The following CNTN1 variants were observed in gnomAD, a reference collection of about 807,000 sequenced individuals.
CNTN1 encodes the protein contactin 1.
CNTN1 carries 38 observed loss-of-function variants against 126.4 expected under a neutral mutation model. The observed-to-expected ratio is 0.30, with a 90% CI of 0.23 to 0.39. The LOEUF (loss-of-function observed/expected upper bound fraction) is 0.39, where lower values mean the gene tolerates loss of function less well. Among genes scored for constraint, CNTN1 ranks in the 10% least tolerant of loss-of-function variants. The pLI is 1.00. For synonymous variants in CNTN1, 413 were observed against 422.6 expected, an observed-to-expected ratio of 0.98 and a Z score of 0.28; for missense variants, 1,009 against 1,248.4, an observed-to-expected ratio of 0.81 and a Z score of 2.89.
At chr12:40,736,559 T>A (rs1049561850) in intron 1 of CNTN1, among the ~76,000 whole-genome samples, 2 of 152,090 alleles carry the variant, frequency 1.3e-5, no homozygotes, top group African/African-American at 4.8e-5. Context: ...AAAGAGCAGA[T>A]TACTTGGAAA....
At chr12:40,894,731 T>C (rs1361517430) in intron 1 of CNTN1, among the ~76,000 whole-genome samples, 1 of 152,116 alleles carries the variant, frequency 6.6e-6, no homozygotes, top group Non-Finnish European at 1.5e-5. Flanking sequence ...CAAGTGAAAA[T>C]AGATAATATA....
intron 7 of CNTN1, 62 bp from the exon 8 acceptor site, chr12:40,933,399 T>A (rs1945965722): frequency 8.7e-7 from 1 of 1,147,496 alleles, no homozygotes; most frequent in Admixed American, 1.7e-5. Flanking sequence ...AATTACCATG[T>A]TTAAGAATAA....
chr12:41,035,490 A>G (rs1279997229), intron 23 of CNTN1, among the ~76,000 whole-genome samples: 3 of 152,200 alleles, frequency 2.0e-5, no homozygotes, highest in South Asian at 4.1e-4. Flanking sequence ...TGGTTACAAT[A>G]ATTGCAAACC....
chr12:40,907,973 A>AG (rs541946121), intron 1 of CNTN1, among the ~76,000 whole-genome samples: 1 of 152,236 alleles, frequency 6.6e-6, no homozygotes, highest in Non-Finnish European at 1.5e-5. Flanking sequence ...ACCTTCAATT[A>AG]AAGTGAATGA....
At chr12:40,946,683 G>T (rs1946445449) in intron 14 of CNTN1, among the ~76,000 whole-genome samples, 1 of 151,850 alleles carries the variant, frequency 6.6e-6, no homozygotes, top group African/African-American at 2.4e-5. Context: ...AAAGGAATAG[G>T]GAAATCAAAT....
intron 1 of CNTN1, among the ~76,000 whole-genome samples, chr12:40,760,196 G>C (rs1018271900): frequency 2.6e-4 from 39 of 151,898 alleles, no homozygotes; most frequent in African/African-American, 8.0e-4. Context: ...GTTTTGTTTT[G>C]ATTTTGAATA....
chr12:40,797,883 C>A (rs374513492), intron 1 of CNTN1, among the ~76,000 whole-genome samples: 2 of 151,952 alleles, frequency 1.3e-5, no homozygotes. Flanking sequence ...GTCCCATTAA[C>A]GAGAATAGGG....
At chr12:40,965,475 A>C (rs1402866927) in intron 15 of CNTN1, among the ~76,000 whole-genome samples, 1 of 152,204 alleles carries the variant, frequency 6.6e-6, no homozygotes, top group African/African-American at 2.4e-5. Context: ...TTTTTACTAA[A>C]TAGTAAAAGT....
chr12:40,844,370 T>A (rs1008940011), intron 1 of CNTN1, among the ~76,000 whole-genome samples: 1 of 152,106 alleles, frequency 6.6e-6, no homozygotes, highest in African/African-American at 2.4e-5. Context: ...CTGGCCACAA[T>A]GATTTTTTGA....
At chr12:40,823,315 C>T (rs1176461268) in intron 1 of CNTN1, among the ~76,000 whole-genome samples, 1 of 152,162 alleles carries the variant, frequency 6.6e-6, no homozygotes, top group African/African-American at 2.4e-5. Flanking sequence ...CAGCTTGATG[C>T]AGTGAAAGAG....
rs1566173236 is a variant in CNTN1, at chr12:41,027,926, A to G, written c.2780A>G (p.His927Arg). ...SGSRYIITWD[H>R]VVALSNESTV... is the part of the protein sequence containing the mutation. ...TCACGCTATATAATCACCTGGGATC[A>G]TGTCGTTGCACTATCAAATGAATCT... Residue 927 changes from histidine (H) to arginine (R), a missense_variant, in exon 22 of 24, where the codon CAT becomes CGT. Transcript: ENST00000551295. 6.2e-7 allele frequency: 1 copy of G among 1,613,424 alleles called. No individual in the cohort carries two copies. Among genetic ancestry groups the G allele is most frequent in the Admixed American group, 1.7e-5 (1 of 59,996 alleles).
intron 14 of CNTN1, among the ~76,000 whole-genome samples, chr12:40,952,516 T>A (rs1197820008): frequency 6.6e-6 from 1 of 152,058 alleles, no homozygotes; most frequent in Admixed American, 6.6e-5. Flanking sequence ...TTAGCCATTT[T>A]AATAGTAATA....
At chr12:41,013,515 T>C (rs1948714001) in intron 17 of CNTN1, among the ~76,000 whole-genome samples, 1 of 150,568 alleles carries the variant, frequency 6.6e-6, no homozygotes, top group South Asian at 2.1e-4. Context: ...TGTTAAAAAG[T>C]GATTATGGAG....
At chr12:40,808,157 A>G (rs1207101964) in intron 1 of CNTN1, among the ~76,000 whole-genome samples, 2 of 152,190 alleles carry the variant, frequency 1.3e-5, no homozygotes, top group Non-Finnish European at 2.9e-5. Context: ...ACTTTTGCCT[A>G]TCCATACTGG....
intron 1 of CNTN1, among the ~76,000 whole-genome samples, chr12:40,766,872 A>G (rs1267933568): frequency 6.6e-6 from 1 of 152,188 alleles, no homozygotes; most frequent in African/African-American, 2.4e-5. Flanking sequence ...GTGCTTCTCA[A>G]TCAGACAGGA....
intron 14 of CNTN1, among the ~76,000 whole-genome samples, chr12:40,948,084 G>A (rs536047675): frequency 2.6e-5 from 4 of 151,430 alleles, no homozygotes; most frequent in African/African-American, 9.7e-5. Context: ...TACTTCACTG[G>A]GTTTGAAAAA....
intron 17 of CNTN1, among the ~76,000 whole-genome samples, chr12:41,011,069 T>C (rs1948640494): frequency 6.6e-6 from 1 of 152,230 alleles, no homozygotes; most frequent in South Asian, 2.1e-4. Context: ...TCTCTCCGTG[T>C]GTGGTGAAAC....
At chr12:40,700,218 A>G (rs1941560422) in intron 1 of CNTN1, among the ~76,000 whole-genome samples, 1 of 151,928 alleles carries the variant, frequency 6.6e-6, no homozygotes, top group Non-Finnish European at 1.5e-5. Flanking sequence ...TTTTTTTTTA[A>G]AACTTGAATT....
At chr12:40,778,757 ATAT>A (rs1939684342) in intron 1 of CNTN1, among the ~76,000 whole-genome samples, 1 of 151,838 alleles carries the variant, frequency 6.6e-6, no homozygotes, top group African/African-American at 2.4e-5. Context: ...TACATAGAAA[ATAT>A]TTCCTATAAG....
Sources: allele counts gnomAD v4.1 joint callset (sites outside exome capture counted in the v4.1 genomes callset), GRCh38; gene constraint gnomAD v4.1.1; transcripts MANE v1.5; gene names NCBI Gene and HGNC (gene_info 2026-07-23, HGNC 2026-07-21).